The following LUM variants were observed in gnomAD, a reference collection of about 807,000 sequenced individuals.
LUM encodes the protein KSPG lumican.
Under a neutral mutation model 20.5 loss-of-function variants are expected in LUM, and 13 were observed. The ratio of observed to expected loss-of-function variants is 0.63; its 90% confidence interval spans 0.41 to 1.01. LUM has a LOEUF of 1.01. Among genes scored for constraint, LUM ranks in the 50% least tolerant of loss-of-function variants. The pLI is 0.00. For synonymous variants in LUM, 173 were observed against 151.5 expected, an observed-to-expected ratio of 1.14 and a Z score of -1.04; for missense variants, 321 against 391.1, an observed-to-expected ratio of 0.82 and a Z score of 1.51.
intron 2 of LUM, among the ~76,000 whole-genome samples, chr12:91,104,585 G>A (rs1231123993): frequency 6.6e-6 from 1 of 152,022 alleles, no homozygotes; most frequent in East Asian, 1.9e-4. Flanking sequence ...ATTACTAGAA[G>A]TTGTTTTTAA....
intron 2 of LUM, among the ~76,000 whole-genome samples, chr12:91,106,311 G>A (rs1343581444): frequency 2.6e-5 from 4 of 152,132 alleles, no homozygotes; most frequent in Non-Finnish European, 5.9e-5. Flanking sequence ...ATGTAGAGAT[G>A]TTCAAATTCA....
rs758973987 is a variant in LUM, at chr12:91,108,103, C to T, written c.862+15G>A. 2 of 1,613,602 alleles carry T rather than the reference C, an allele frequency of 1.2e-6. No homozygotes were observed. Among genetic ancestry groups the T allele is most frequent in the South Asian group, 1.1e-5 (1 of 90,936 alleles). ...CTTGAGCACACATCAAACACAGGAA[C>T]AGCTTTTTACTTACTCTCAAGTTGA... On this transcript the variant is annotated intron_variant, in intron 2 of 2. Coordinates refer to ENST00000266718, the MANE Select transcript of LUM (RefSeq NM_002345.4). This position sits in a 1 kb window ranked among gnomAD's most constrained non-coding sequence, Gnocchi z 4.2.
intron 2 of LUM, among the ~76,000 whole-genome samples, chr12:91,107,583 T>C (rs1880110907): frequency 6.6e-6 from 1 of 152,222 alleles, no homozygotes; most frequent in Admixed American, 6.5e-5. Flanking sequence ...CCGGAATTTT[T>C]AGTTTGAAGA....
chr12:91,106,921 C>T (rs986698187), intron 2 of LUM, among the ~76,000 whole-genome samples: 14 of 151,750 alleles, frequency 9.2e-5, no homozygotes, highest in Non-Finnish European at 1.6e-4. Flanking sequence ...CCTGTAATCC[C>T]AGTACTTTGG....
chr12:91,106,855 T>A (rs2121045247), intron 2 of LUM, among the ~76,000 whole-genome samples: 1 of 151,966 alleles, frequency 6.6e-6, no homozygotes, highest in South Asian at 2.1e-4. Flanking sequence ...GAGTCCCAAG[T>A]AGTTGATGTC....
Position 91,107,255 on chromosome 12 carries a change from GAA to G in LUM, c.862+861_862+862del, listed in dbSNP as rs1298155690. Among the ~76,000 whole-genome samples, 49 of 68,264 alleles carry G rather than the reference GAA, an allele frequency of 7.2e-4. 4 individuals are homozygous for G. The highest frequency in any genetic ancestry group is 2.1e-3 in the African/African-American group (45 of 21,682). 44.8% of individuals were successfully genotyped at this position (68,264 alleles called of 152,430 possible). On this transcript the variant is annotated intron_variant, in intron 2 of 2. Coordinates refer to ENST00000266718, the MANE Select transcript of LUM (RefSeq NM_002345.4). ...GAAAGAAAGGAAAGAAAGAAAGAAAGAAAGAAAGAAAGAAAGAAAGAAAGAAA... is the reference window on the plus strand; with the variant it reads ...GAAAGAAAGGAAAGAAAGAAAGAAAGAGAAAGAAAGAAAGAAAGAAAGAAA...
In LUM at chr12:91,107,076, G is replaced by T. The variant is rs183671289; in HGVS notation, c.862+1042C>A. On this transcript the variant is annotated intron_variant, in intron 2 of 2. Coordinates refer to ENST00000266718, the MANE Select transcript of LUM (RefSeq NM_002345.4). ...TGGGAGAATCGCCTGAGCCTGGGGG[G>T]TGGAGGTTGCAATGAGCCGAGATTG... is the stretch of plus-strand genomic sequence containing the variant. Among the ~76,000 whole-genome samples the T allele has an allele frequency of 1.1e-3, 159 of 150,212 alleles. 2 individuals are homozygous for T. The highest frequency in any genetic ancestry group is 1.2e-4 in the Non-Finnish European group (8 of 67,626).
Position 91,104,042 on chromosome 12 carries a change from T to C in LUM, c.*123A>G. On this transcript the variant is annotated 3_prime_UTR_variant, in exon 3 of 3. Coordinates refer to ENST00000266718, the MANE Select transcript of LUM (RefSeq NM_002345.4). ...CTTTTCTTTAAAAAAAATAAATGTTTACAAAACATTTCCCTCAGATTTTAA... is the reference window on the plus strand; with the variant it reads ...CTTTTCTTTAAAAAAAATAAATGTTCACAAAACATTTCCCTCAGATTTTAA... 2 of 813,788 alleles carry C rather than the reference T, an allele frequency of 2.5e-6. No homozygotes were observed. Among genetic ancestry groups the C allele is most frequent in the Non-Finnish European group, 3.8e-6 (2 of 520,644 alleles). The allele number at this position is 813,788 out of a possible 1,614,324, so 50.4% of individuals were successfully genotyped here.
chr12:91,104,155 G>C lies in LUM; in HGVS notation c.*10C>G, dbSNP rs1879975699. Reference sequence around the variant, plus strand: ...ACATAACCATAAAATATTGTTCCAGGATACAGATATTAATTAAGAGTGACT... The same window carrying C: ...ACATAACCATAAAATATTGTTCCAGCATACAGATATTAATTAAGAGTGACT... On this transcript the variant is annotated 3_prime_UTR_variant, in exon 3 of 3. Transcript: ENST00000266718. 6.2e-7 allele frequency: 1 copy of C among 1,603,978 alleles called. No homozygotes were observed. The highest frequency in any genetic ancestry group is 1.1e-5 in the South Asian group (1 of 90,534).
chr12:91,111,234 AT>A (rs1880197296), intron 1 of LUM, among the ~76,000 whole-genome samples, 163 bp downstream of exon 1: 1 of 152,204 alleles, frequency 6.6e-6, no homozygotes, highest in African/African-American at 2.4e-5. Flanking sequence ...TCTATAAATC[AT>A]GGAAAACATA....
chr12:91,105,616 T>A (rs769421380), intron 2 of LUM, among the ~76,000 whole-genome samples: 5 of 152,182 alleles, frequency 3.3e-5, no homozygotes, highest in Non-Finnish European at 7.4e-5. Flanking sequence ...ACTGAGGTGA[T>A]ACATAAAAAG....
At chr12:91,107,289 GAAAGAAAGAA>G (rs1880088656) in intron 2 of LUM, among the ~76,000 whole-genome samples, 4 of 72,728 alleles carry the variant, frequency 5.5e-5, no homozygotes, top group African/African-American at 1.7e-4. Context: ...GAAAGAAAGA[GAAAGAAAGAA>G]AGAAAGAAAG....
At chr12:91,106,940 G>A (rs975375199) in intron 2 of LUM, among the ~76,000 whole-genome samples, 5 of 151,792 alleles carry the variant, frequency 3.3e-5, no homozygotes, top group African/African-American at 7.3e-5. Context: ...GGGAGGCCAA[G>A]GCAGATGGAT....
rs1880126603 is a variant in LUM at position 91,108,383 on chromosome 12, C to T, written c.597G>A (p.Leu199=). The change falls in exon 2 of 3, where the codon CTG becomes CTA. Residue 199 remains leucine, a synonymous_variant. Transcript: ENST00000266718. This position sits in a 1 kb window ranked among gnomAD's most constrained non-coding sequence, Gnocchi z 4.2. The part of the protein sequence containing the change: ...LDLSFNQIAR[L]PSGLPVSLLT... ...GAAGAGAGACAGGGAGACCAGAAGGCAGTCTGGCTATCTGATTGAAGCTCA... is the reference window on the plus strand; with the variant it reads ...GAAGAGAGACAGGGAGACCAGAAGGTAGTCTGGCTATCTGATTGAAGCTCA... The T allele has an allele frequency of 6.2e-7, 1 of 1,614,042 alleles. No homozygotes were observed. Among genetic ancestry groups the T allele is most frequent in the African/African-American group, 1.3e-5 (1 of 74,936 alleles).
chr12:91,107,735 A>G lies in LUM; in HGVS notation c.862+383T>C, dbSNP rs551623612. Among the ~76,000 whole-genome samples, 33 of 151,660 alleles carry G rather than the reference A, an allele frequency of 2.2e-4. No individual in the cohort carries two copies. In the South Asian group the frequency reaches 6.2e-3, roughly 29 times the overall value. ...TTTGTGGACATTTTTTTTTTTTCCA[A>G]GACAGAATCTGGCTGTCTTGCCCAG... On this transcript the variant is annotated intron_variant, in intron 2 of 2. Coordinates refer to ENST00000266718, the MANE Select transcript of LUM (RefSeq NM_002345.4).
chr12:91,109,104 T>C (rs1880146951), intron 1 of LUM, 104 bp from the exon 2 acceptor site: 2 of 866,728 alleles, frequency 2.3e-6, no homozygotes, highest in African/African-American at 1.7e-5. Flanking sequence ...CATTTTGTTA[T>C]TTTATAGCTA....
intron 1 of LUM, among the ~76,000 whole-genome samples, chr12:91,110,072 A>G (rs756928153): frequency 3.7e-4 from 57 of 152,308 alleles, no homozygotes; most frequent in African/African-American, 1.3e-3. Context: ...GTACATTTCA[A>G]TGTCTTAGGT....
chr12:91,103,972 G>C lies in LUM; in HGVS notation c.*193C>G. On this transcript the variant is annotated 3_prime_UTR_variant, in exon 3 of 3. Transcript: ENST00000266718. ...AAAGCATTGAGTTTGATGTCTATTC[G>C]TGTATATGTGTGTGTTCTTGTGATG... 2.0e-6 allele frequency: 1 copy of C among 490,858 alleles called. No homozygotes were observed. The highest frequency in any genetic ancestry group is 3.4e-5 in the East Asian group (1 of 29,792). The allele number at this position is 490,858 out of a possible 1,614,324, so 30.4% of individuals were successfully genotyped here.
rs34073084 is a variant in LUM at position 91,107,719 on chromosome 12, ATT to A, written c.862+397_862+398del. 1.3e-4 allele frequency among the ~76,000 whole-genome samples: 19 copies of A among 146,504 alleles called. No homozygotes were observed. The South Asian group carries it at 2.1e-3, about 17-fold the overall frequency. On this transcript the variant is annotated intron_variant, in intron 2 of 2. Coordinates refer to ENST00000266718, the MANE Select transcript of LUM (RefSeq NM_002345.4). ...TGAAGTAGAGGGATATTTTGTGGAC[ATT>A]TTTTTTTTTTCCAAGACAGAATCTG...
Sources: allele counts gnomAD v4.1 joint callset (sites outside exome capture counted in the v4.1 genomes callset), GRCh38; gene constraint gnomAD v4.1.1; non-coding constraint Gnocchi (gnomAD v3.1); transcripts MANE v1.5; gene names NCBI Gene and HGNC (gene_info 2026-07-23, HGNC 2026-07-21).